The following DMRT1 variants were observed in gnomAD, a reference collection of about 807,000 sequenced individuals.
DMRT1 encodes the protein doublesex and mab-3 related transcription factor 1.
A neutral mutation model predicts 32.3 loss-of-function variants in DMRT1; 7 were observed. The observed-to-expected ratio is 0.22, with a 90% CI of 0.12 to 0.41. DMRT1 has a LOEUF of 0.41. Ranked by LOEUF, DMRT1 falls within the 10% of genes least tolerant of loss-of-function variation. DMRT1 has a pLI of 1.00. For synonymous variants in DMRT1, 278 were observed against 206.1 expected (o/e 1.35, Z -2.99); for missense variants, 625 against 500.5 (o/e 1.25, Z -2.37).
chr9:907,683 A>G (rs1817825174), intron 3 of DMRT1, among the ~76,000 whole-genome samples: 1 of 152,192 alleles, frequency 6.6e-6, no homozygotes, highest in Non-Finnish European at 1.5e-5. Context: ...ACACACACAT[A>G]CACAAAATGA....
chr9:909,017 TACAAAGGCTGAGTCCTC>T (rs1817879530), intron 3 of DMRT1, among the ~76,000 whole-genome samples: 2 of 152,124 alleles, frequency 1.3e-5, no homozygotes, highest in Admixed American at 6.6e-5. Flanking sequence ...GGGAATCCCT[TACAAAGGCTGAGTCCTC>T]ACAAGTGCCT....
chr9:931,118 T>A (rs1035234422), intron 4 of DMRT1, among the ~76,000 whole-genome samples: 8 of 152,232 alleles, frequency 5.3e-5, no homozygotes, highest in African/African-American at 1.9e-4. Context: ...ATAGAATATG[T>A]GGTCTTTTGT....
At chr9:967,874 C>T (rs888446407) in intron 4 of DMRT1, 111 bp from the exon 5 acceptor site, 2 of 986,092 alleles carry the variant, frequency 2.0e-6, no homozygotes, top group South Asian at 1.4e-5. Context: ...AAATGGAGAG[C>T]GTCACTTTCT....
At chr9:851,750 T>C (rs572117627) in intron 2 of DMRT1, among the ~76,000 whole-genome samples, 9 of 152,290 alleles carry the variant, frequency 5.9e-5, no homozygotes, top group African/African-American at 2.2e-4. Context: ...ATCTCTAAAA[T>C]CTTTAGCCAA....
chr9:911,225 TC>T (rs1196647937), intron 3 of DMRT1, among the ~76,000 whole-genome samples: 1 of 152,082 alleles, frequency 6.6e-6, no homozygotes, highest in Non-Finnish European at 1.5e-5. Flanking sequence ...CAGCATCAAC[TC>T]CCTGCCCCCT....
intron 4 of DMRT1, among the ~76,000 whole-genome samples, chr9:967,609 T>G (rs772994163): frequency 6.6e-6 from 1 of 152,140 alleles, no homozygotes; most frequent in Non-Finnish European, 1.5e-5. Flanking sequence ...AGGTAATGTG[T>G]CAGATGGATC....
At chr9:945,655 AT>A (rs926089545) in intron 4 of DMRT1, among the ~76,000 whole-genome samples, 136 of 148,822 alleles carry the variant, frequency 9.1e-4, no homozygotes, top group African/African-American at 3.2e-3. Flanking sequence ...AGACAGCTTT[AT>A]TTTTTTTTCT....
intron 2 of DMRT1, among the ~76,000 whole-genome samples, chr9:887,898 A>T (rs1816992629): frequency 6.6e-6 from 1 of 152,246 alleles, no homozygotes; most frequent in South Asian, 2.1e-4. Flanking sequence ...GCCTTTGACA[A>T]CATTTAAAGA....
At chr9:852,510 A>C (rs768695959) in intron 2 of DMRT1, among the ~76,000 whole-genome samples, 2 of 150,772 alleles carry the variant, frequency 1.3e-5, no homozygotes, top group Non-Finnish European at 2.9e-5. Flanking sequence ...CTTTTTCTTC[A>C]GCCTCCCGTG....
intron 3 of DMRT1, among the ~76,000 whole-genome samples, chr9:900,301 G>C (rs1489595471): frequency 6.6e-6 from 1 of 152,224 alleles, no homozygotes; most frequent in Non-Finnish European, 1.5e-5. Flanking sequence ...AGGGCACTCA[G>C]AAAAGCCAGT....
At chr9:941,768 G>T (rs1451873860) in intron 4 of DMRT1, among the ~76,000 whole-genome samples, 1 of 152,108 alleles carries the variant, frequency 6.6e-6, no homozygotes, top group African/African-American at 2.4e-5. Context: ...TTTATATCAA[G>T]TATCTTTTTT....
intron 4 of DMRT1, among the ~76,000 whole-genome samples, chr9:928,589 A>T (rs1325505045): frequency 6.6e-6 from 1 of 152,182 alleles, no homozygotes; most frequent in South Asian, 2.1e-4. Context: ...GCAGTAGAGG[A>T]GCCAGAAGCT....
At chr9:948,914 A>G (rs1343365124) in intron 4 of DMRT1, among the ~76,000 whole-genome samples, 1 of 138,514 alleles carries the variant, frequency 7.2e-6, no homozygotes, top group Non-Finnish European at 1.5e-5. Context: ...AATAATAATA[A>G]TAATAATAAT....
At chr9:873,311 T>A (rs1300132740) in intron 2 of DMRT1, among the ~76,000 whole-genome samples, 1 of 81,628 alleles carries the variant, frequency 1.2e-5, no homozygotes, top group African/African-American at 3.9e-5. Flanking sequence ...TCTATAAGCA[T>A]TTTTTTTTTT....
Position 842,230 on chromosome 9 carries a change from G to GTTTTTTTTTTTTTTTT in DMRT1, c.354+46_354+61dup, listed in dbSNP as rs780064237. The GTTTTTTTTTTTTTTTT allele has an allele frequency of 5.4e-5, 69 of 1,267,078 alleles. 3 individuals carry two copies. The African/African-American group carries it at 1.3e-3, about 24-fold the overall frequency. 78.5% of individuals were successfully genotyped at this position (1,267,078 alleles called of 1,614,324 possible). A position where few individuals can be genotyped will look rare whatever the true frequency, so the allele number is the denominator to read the frequency against. ...GTGCGGGAGCCCGGGTTCAGCCTTA[G>GTTTTTTTTTTTTTTTT]TTTTTTTTTTTTTTTTTTTTTTTAG... On this transcript the variant is annotated intron_variant, in intron 1 of 4. Coordinates refer to ENST00000382276, the MANE Select transcript of DMRT1 (RefSeq NM_021951.3).
chr9:943,653 T>C (rs2129920957), intron 4 of DMRT1, among the ~76,000 whole-genome samples: 1 of 152,308 alleles, frequency 6.6e-6, no homozygotes, highest in Non-Finnish European at 1.5e-5. Context: ...ATGTGGTCCA[T>C]AGCGAAATGG....
At chr9:966,989 C>T (rs1819950001) in intron 4 of DMRT1, among the ~76,000 whole-genome samples, 2 of 152,228 alleles carry the variant, frequency 1.3e-5, no homozygotes, top group East Asian at 1.9e-4. Context: ...TACAAGAAGC[C>T]GTGGCAGATG....
chr9:947,418 G>C (rs949662636), intron 4 of DMRT1, among the ~76,000 whole-genome samples: 1 of 152,170 alleles, frequency 6.6e-6, no homozygotes, highest in South Asian at 2.1e-4. Flanking sequence ...TGTCTATTAA[G>C]GAAGGAAAGC....
intron 4 of DMRT1, among the ~76,000 whole-genome samples, chr9:962,988 T>C (rs1301398864): frequency 1.3e-5 from 2 of 152,192 alleles, no homozygotes; most frequent in Non-Finnish European, 2.9e-5. Context: ...ATTGGCCTAC[T>C]ATTATTTTGT....
Sources: gnomAD v4.1 joint callset for allele counts (sites outside exome capture counted in the v4.1 genomes callset) on GRCh38, gnomAD v4.1.1 for gene constraint, MANE v1.5 for transcripts, NCBI Gene and HGNC (gene_info 2026-07-23, HGNC 2026-07-21) for gene names.